Variants in FGF14 observed in about 807,000 individuals in gnomAD.
FGF14 encodes the protein fibroblast growth factor homologous factor 4.
FGF14 carries 5 observed loss-of-function variants against 25.5 expected under a neutral mutation model. That is an observed-to-expected ratio of 0.20 (90% CI 0.10 to 0.41). The LOEUF is 0.41. FGF14 is among the 10% of genes least tolerant of loss of function. The probability of loss-of-function intolerance (pLI) is 1.00; values close to 1 mark genes in which losing one functional copy is unlikely to be tolerated. For synonymous variants in FGF14, 138 were observed against 118.3 expected, an observed-to-expected ratio of 1.17 and a Z score of -1.08; for missense variants, 222 against 320.1, an observed-to-expected ratio of 0.69 and a Z score of 2.34.
chr13:102,041,383 T>C (rs186083825), intron 1 of FGF14, among the ~76,000 whole-genome samples: 40 of 152,202 alleles, frequency 2.6e-4, no homozygotes, highest in Non-Finnish European at 3.5e-4. Flanking sequence ...ATTATGACTA[T>C]GACAGTTACA....
intron 3 of FGF14, among the ~76,000 whole-genome samples, chr13:101,779,442 C>T (rs930856529): frequency 5.9e-5 from 9 of 152,154 alleles, no homozygotes; most frequent in African/African-American, 2.2e-4. Context: ...TCACTTCTTT[C>T]ATTGTGTTAA....
At chr13:102,251,401 G>T (rs1479744361) in intron 1 of FGF14, among the ~76,000 whole-genome samples, 2 of 152,076 alleles carry the variant, frequency 1.3e-5, no homozygotes, top group African/African-American at 2.4e-5. Context: ...AAAAACTGTT[G>T]GTTCCCCAAG....
chr13:101,932,871 A>G (rs1304188018), intron 1 of FGF14, among the ~76,000 whole-genome samples: 3 of 152,100 alleles, frequency 2.0e-5, no homozygotes, highest in African/African-American at 7.2e-5. Flanking sequence ...ACAAGTTTAG[A>G]AAGATAAAAA....
chr13:102,163,060 C>T (rs7321762), intron 1 of FGF14, among the ~76,000 whole-genome samples: 3,735 of 152,226 alleles, frequency 0.025, 152 homozygotes, highest in African/African-American at 0.086. Flanking sequence ...GGGATTCATA[C>T]GTTTCCTCAA....
intron 1 of FGF14, among the ~76,000 whole-genome samples, chr13:102,303,360 T>C (rs1237841351): frequency 3.9e-5 from 6 of 152,062 alleles, no homozygotes; most frequent in African/African-American, 1.4e-4. Flanking sequence ...ACACTTTGTA[T>C]TGTTGTGCTT....
At chr13:101,744,185 T>TG (rs2139800512) in intron 3 of FGF14, among the ~76,000 whole-genome samples, 1 of 152,276 alleles carries the variant, frequency 6.6e-6, no homozygotes, top group Non-Finnish European at 1.5e-5. Flanking sequence ...TGGGAGCTTG[T>TG]GGGTGATTTT....
At chr13:101,900,561 G>T (rs1052420622) in intron 1 of FGF14, among the ~76,000 whole-genome samples, 1 of 152,130 alleles carries the variant, frequency 6.6e-6, no homozygotes, top group African/African-American at 2.4e-5. Flanking sequence ...TTAGGTAAAA[G>T]AAGCCAGACA....
At chr13:102,105,671 T>C (rs1227446486) in intron 1 of FGF14, among the ~76,000 whole-genome samples, 1 of 152,200 alleles carries the variant, frequency 6.6e-6, no homozygotes, top group East Asian at 1.9e-4. Context: ...GTTATTCCAA[T>C]AGGGCTTAGC....
intron 1 of FGF14, among the ~76,000 whole-genome samples, chr13:102,255,686 G>A (rs1407251674): frequency 1.3e-5 from 2 of 152,134 alleles, no homozygotes; most frequent in Admixed American, 1.3e-4. Flanking sequence ...TGCTTCTGGG[G>A]GGCAAGTAGA....
intron 1 of FGF14, among the ~76,000 whole-genome samples, chr13:101,986,367 A>T (rs1490946722): frequency 6.6e-6 from 1 of 152,176 alleles, no homozygotes; most frequent in Non-Finnish European, 1.5e-5. Context: ...ACACAATAAT[A>T]GTTCAATAAC....
At chr13:102,036,680 GAGA>G (rs1419319562) in intron 1 of FGF14, among the ~76,000 whole-genome samples, 2 of 151,882 alleles carry the variant, frequency 1.3e-5, no homozygotes. Context: ...GGAGAAGAAG[GAGA>G]AGGAGGAGGA....
upstream of FGF14, among the ~76,000 whole-genome samples, chr13:101,918,647 T>C (rs957326373): frequency 9.2e-5 from 14 of 152,368 alleles, no homozygotes; most frequent in African/African-American, 3.4e-4. Context: ...GGGCACCTTC[T>C]GCTCTAAGCA....
chr13:101,771,576 G>C (rs528378662), intron 3 of FGF14, among the ~76,000 whole-genome samples: 3 of 151,860 alleles, frequency 2.0e-5, no homozygotes, highest in South Asian at 4.2e-4. Context: ...TAGACTTCAG[G>C]CAAATACACA....
intron 1 of FGF14, among the ~76,000 whole-genome samples, 184 bp downstream of exon 1, chr13:101,916,269 G>A (rs780288254): frequency 6.6e-6 from 1 of 152,218 alleles, no homozygotes; most frequent in African/African-American, 2.4e-5. Flanking sequence ...TGCACTTCTC[G>A]GCGGCTACAG....
chr13:102,249,493 A>G (rs1162827484), intron 1 of FGF14, among the ~76,000 whole-genome samples: 1 of 152,140 alleles, frequency 6.6e-6, no homozygotes, highest in Non-Finnish European at 1.5e-5. Flanking sequence ...TGCGGAATGC[A>G]GACTGTGTGT....
At chr13:102,205,921 T>G (rs2049889135) in intron 1 of FGF14, among the ~76,000 whole-genome samples, 1 of 127,166 alleles carries the variant, frequency 7.9e-6, no homozygotes, top group Non-Finnish European at 1.6e-5. Context: ...CCAGTTGGGG[T>G]GACGTGGACC....
chr13:101,857,417 T>C (rs552340376), intron 3 of FGF14, among the ~76,000 whole-genome samples: 7 of 152,130 alleles, frequency 4.6e-5, no homozygotes, highest in African/African-American at 1.4e-4. Flanking sequence ...TCTCTCTTTA[T>C]TTAATATAGT....
At chr13:102,141,239 T>C (rs1205255284) in intron 1 of FGF14, among the ~76,000 whole-genome samples, 1 of 152,214 alleles carries the variant, frequency 6.6e-6, no homozygotes, top group African/African-American at 2.4e-5. Context: ...ACGTGTTGAA[T>C]GAAGGCAGTG....
upstream of FGF14, among the ~76,000 whole-genome samples, chr13:101,921,438 G>A (rs545598930): frequency 6.6e-6 from 1 of 152,164 alleles, no homozygotes; most frequent in East Asian, 1.9e-4. Context: ...TTCTGAAATG[G>A]CAACTTCATT....
Sources: gnomAD v4.1 joint callset for allele counts (sites outside exome capture counted in the v4.1 genomes callset) on GRCh38, gnomAD v4.1.1 for gene constraint, MANE v1.5 for transcripts, NCBI Gene and HGNC (gene_info 2026-07-23, HGNC 2026-07-21) for gene names.